Variants in ACYP2 observed in about 807,000 individuals in gnomAD.
ACYP2 encodes the protein acylphosphatase-2.
ACYP2 carries 12 observed loss-of-function variants against 11.2 expected under a neutral mutation model. That is an observed-to-expected ratio of 1.08 (90% confidence interval 0.69 to 1.74). ACYP2 has a LOEUF of 1.74. Ranked by LOEUF, ACYP2 falls within the 40% of genes most tolerant of loss-of-function variation. ACYP2 has a pLI of 0.00. For synonymous variants in ACYP2, 43 were observed against 32.2 expected, an observed-to-expected ratio of 1.33 and a Z score of -1.13; for missense variants, 134 against 101.9, an observed-to-expected ratio of 1.31 and a Z score of -1.35.
rs115587659 is a variant in ACYP2 at position 54,138,692 on chromosome 2, C to T, written c.348C>T (p.Thr116=). The T allele has an allele frequency of 7.5e-5, 121 of 1,614,004 alleles. No individual in the cohort carries two copies. The African/African-American group carries it at 1.6e-3, about 21-fold the overall frequency. ...GAGTGGTTGGCTGGGTGAAGAATAC[C>T]AGCAAAGGCACCGTGACAGGCCAAG... The change falls in exon 6 of 7, where the codon ACC becomes ACT. Residue 116 remains threonine (T), a synonymous_variant. Transcript: ENST00000607452.
chr2:54,256,216 TCA>T, intron 6 of ACYP2: 2 of 1,524,458 alleles, frequency 1.3e-6, no homozygotes, highest in Admixed American at 2.1e-5. Context: ...TCAACGTTCC[TCA>T]CACAAAATGG....
intron 4 of ACYP2, among the ~76,000 whole-genome samples, chr2:54,059,130 T>A (rs1365346531): frequency 2.0e-5 from 3 of 152,270 alleles, no homozygotes; most frequent in African/African-American, 7.2e-5. Flanking sequence ...ATGTTCCTGC[T>A]GTATCACAAC....
At chr2:54,038,710 T>C (rs1022910031) in intron 2 of ACYP2, among the ~76,000 whole-genome samples, 1 of 103,258 alleles carries the variant, frequency 9.7e-6, no homozygotes, top group African/African-American at 3.6e-5. Flanking sequence ...TATATATATA[T>C]ATACTCTTCT....
At chr2:54,052,085 G>T (rs1291619038) in intron 3 of ACYP2, among the ~76,000 whole-genome samples, 1 of 116,506 alleles carries the variant, frequency 8.6e-6, no homozygotes, top group East Asian at 3.3e-4. Context: ...AATAAATAGA[G>T]GGAAGAGGAG....
chr2:54,150,396 G>A (rs1436000869), intron 6 of ACYP2, among the ~76,000 whole-genome samples: 1 of 152,156 alleles, frequency 6.6e-6, no homozygotes, highest in Non-Finnish European at 1.5e-5. Flanking sequence ...GTCCTGTCCA[G>A]CTAAGATTCT....
At chr2:54,247,243 T>C (rs562642584) in intron 6 of ACYP2, among the ~76,000 whole-genome samples, 2 of 152,316 alleles carry the variant, frequency 1.3e-5, no homozygotes, top group East Asian at 3.9e-4. Context: ...CGTGTATTGC[T>C]TGGCTGTGCA....
At position 54,116,820 on chromosome 2, in the gene ACYP2, G is replaced by A. The variant is rs552819742; in HGVS notation, c.278-18633G>A. 9.9e-5 allele frequency among the ~76,000 whole-genome samples: 15 copies of A among 152,246 alleles called. No individual in the cohort carries two copies. In the East Asian group the frequency reaches 2.7e-3, roughly 27 times the overall value. On this transcript the variant is annotated intron_variant, in intron 4 of 6. Transcript: ENST00000607452. ...CTACTGCTGTGTCTTTCCCCTACTG[G>A]CTAGGGTTGGACCGCACAGTCTAAG...
At chr2:54,192,035 T>C (rs1433513570) in intron 6 of ACYP2, among the ~76,000 whole-genome samples, 1 of 152,144 alleles carries the variant, frequency 6.6e-6, no homozygotes, top group Non-Finnish European at 1.5e-5. Context: ...TAAATGTAAT[T>C]AATGACATAA....
At chr2:54,163,814 C>T (rs1341743180) in intron 6 of ACYP2, among the ~76,000 whole-genome samples, 1 of 152,046 alleles carries the variant, frequency 6.6e-6, no homozygotes, top group Admixed American at 6.6e-5. Context: ...CGAGATTGCA[C>T]CATTGCACTC....
chr2:54,212,018 C>T (rs1024447615), intron 6 of ACYP2, among the ~76,000 whole-genome samples: 6 of 152,088 alleles, frequency 3.9e-5, no homozygotes, highest in Admixed American at 3.3e-4. Flanking sequence ...TAGTGCTTGG[C>T]ACATAGTAGG....
intron 2 of ACYP2, among the ~76,000 whole-genome samples, chr2:54,046,661 A>T (rs979855525): frequency 6.6e-6 from 1 of 152,178 alleles, no homozygotes; most frequent in African/African-American, 2.4e-5. Context: ...AAGTGATATG[A>T]ACAAAAGCAG....
chr2:54,161,101 G>C (rs1010842756), intron 6 of ACYP2, among the ~76,000 whole-genome samples: 1 of 152,142 alleles, frequency 6.6e-6, no homozygotes, highest in African/African-American at 2.4e-5. Context: ...AGCAGTGTGA[G>C]TTCATAAGCC....
At chr2:54,132,112 C>T (rs1024541877) in intron 4 of ACYP2, among the ~76,000 whole-genome samples, 7 of 152,200 alleles carry the variant, frequency 4.6e-5, no homozygotes, top group Non-Finnish European at 1.0e-4. Flanking sequence ...CCAAAACTTT[C>T]AGTCTACTTA....
At chr2:54,144,060 G>A (rs1355447587) in intron 6 of ACYP2, among the ~76,000 whole-genome samples, 3 of 152,040 alleles carry the variant, frequency 2.0e-5, no homozygotes, top group Non-Finnish European at 4.4e-5. Flanking sequence ...GCCTTGACCT[G>A]CTGGGTTTAA....
intron 6 of ACYP2, among the ~76,000 whole-genome samples, chr2:54,174,336 G>A (rs1454218206): frequency 6.6e-6 from 1 of 151,842 alleles, no homozygotes; most frequent in Non-Finnish European, 1.5e-5. Flanking sequence ...GTTTGTTATT[G>A]GTGTAGAGGA....
intron 6 of ACYP2, among the ~76,000 whole-genome samples, chr2:54,285,734 G>T (rs570652141): frequency 6.6e-6 from 1 of 152,288 alleles, no homozygotes; most frequent in African/African-American, 2.4e-5. Context: ...CAGAAGTATT[G>T]TGTGGCAGCT....
At chr2:54,115,195 T>C (rs575616574) in intron 4 of ACYP2, among the ~76,000 whole-genome samples, 7 of 152,204 alleles carry the variant, frequency 4.6e-5, no homozygotes, top group Non-Finnish European at 1.0e-4. Flanking sequence ...GTTCTCTTCA[T>C]TAAAAAATGG....
chr2:54,026,770 A>G (rs541269140), intron 2 of ACYP2, among the ~76,000 whole-genome samples: 41 of 152,350 alleles, frequency 2.7e-4, no homozygotes, highest in Admixed American at 1.6e-3. Context: ...CCTGGATACA[A>G]TTGAAGACCA....
At chr2:54,198,470 T>G (rs1410676347) in intron 6 of ACYP2, among the ~76,000 whole-genome samples, 4 of 152,042 alleles carry the variant, frequency 2.6e-5, no homozygotes, top group Non-Finnish European at 5.9e-5. Context: ...AAAATGAAAA[T>G]GTGGGGGCTC....
Sources: allele counts gnomAD v4.1 joint callset (sites outside exome capture counted in the v4.1 genomes callset), GRCh38; gene constraint gnomAD v4.1.1; transcripts MANE v1.5; gene names NCBI Gene and HGNC (gene_info 2026-07-23, HGNC 2026-07-21).